The following ZSWIM6 variants were observed in gnomAD, a reference collection of about 807,000 sequenced individuals.
ZSWIM6 encodes the protein zinc finger SWIM domain-containing protein 6.
Under a neutral mutation model 113.2 loss-of-function variants are expected in ZSWIM6, and 9 were observed. That is an observed-to-expected ratio of 0.08 (90% CI 0.05 to 0.14). The LOEUF (loss-of-function observed/expected upper bound fraction) is 0.14. Among genes scored for constraint, ZSWIM6 ranks in the 10% least tolerant of loss-of-function variants. The probability of loss-of-function intolerance (pLI) is 1.00; values close to 1 mark genes in which losing one functional copy is unlikely to be tolerated. For synonymous variants in ZSWIM6, 611 were observed against 606.5 expected (o/e 1.01, Z -0.11); for missense variants, 1,162 against 1,552.2 (o/e 0.75, Z 4.22).
chr5:61,356,797 TATAAATATATAATTG>T (rs1175533191), intron 1 of ZSWIM6, among the ~76,000 whole-genome samples: 2 of 141,928 alleles, frequency 1.4e-5, no homozygotes, highest in Non-Finnish European at 3.0e-5. Flanking sequence ...TTATATATAA[TATAAATATATAATTG>T]ATAAATAAAA....
At chr5:61,493,883 T>G (rs1561262370) in intron 3 of ZSWIM6, among the ~76,000 whole-genome samples, 1 of 151,054 alleles carries the variant, frequency 6.6e-6, no homozygotes, top group East Asian at 1.9e-4. Flanking sequence ...AAAAAAAGTT[T>G]CTACTGGACA....
intron 4 of ZSWIM6, among the ~76,000 whole-genome samples, chr5:61,518,282 A>G (rs1019447929): frequency 1.4e-3 from 219 of 152,104 alleles, no homozygotes; most frequent in African/African-American, 5.2e-3. Flanking sequence ...AGCATGATTT[A>G]TAGTCCTTTG....
At chr5:61,431,752 A>G (rs979104937) in intron 1 of ZSWIM6, among the ~76,000 whole-genome samples, 1 of 152,208 alleles carries the variant, frequency 6.6e-6, no homozygotes, top group African/African-American at 2.4e-5. Context: ...CTCAAAAAAA[A>G]CAAAACAAAA....
At chr5:61,485,960 T>A (rs1748006631) in intron 2 of ZSWIM6, among the ~76,000 whole-genome samples, 1 of 152,204 alleles carries the variant, frequency 6.6e-6, no homozygotes, top group Non-Finnish European at 1.5e-5. Flanking sequence ...ATATGTATTT[T>A]GTTTATTATC....
intron 1 of ZSWIM6, among the ~76,000 whole-genome samples, chr5:61,440,941 A>T (rs1371590672): frequency 6.6e-6 from 1 of 152,202 alleles, no homozygotes; most frequent in Non-Finnish European, 1.5e-5. Flanking sequence ...TGCAGAAAGT[A>T]CTTTGGTCCA....
At chr5:61,357,273 A>G (rs1462814141) in intron 1 of ZSWIM6, among the ~76,000 whole-genome samples, 1 of 152,196 alleles carries the variant, frequency 6.6e-6, no homozygotes, top group Non-Finnish European at 1.5e-5. Flanking sequence ...ATGCAGCTGA[A>G]ACAGCAAGGT....
At chr5:61,442,931 TCAAA>T (rs561323077) in intron 1 of ZSWIM6, among the ~76,000 whole-genome samples, 1 of 152,156 alleles carries the variant, frequency 6.6e-6, no homozygotes, top group Non-Finnish European at 1.5e-5. Flanking sequence ...CAGCAATGCT[TCAAA>T]CAAACAAAAC....
intron 4 of ZSWIM6, among the ~76,000 whole-genome samples, chr5:61,507,526 T>TTA (rs1580050674): frequency 1.3e-5 from 2 of 152,208 alleles, no homozygotes; most frequent in East Asian, 3.9e-4. Context: ...AGAAAACAGA[T>TTA]TTCTTCTGAC....
At chr5:61,449,883 C>T (rs748595838) in intron 1 of ZSWIM6, among the ~76,000 whole-genome samples, 7 of 152,086 alleles carry the variant, frequency 4.6e-5, no homozygotes, top group Non-Finnish European at 1.0e-4. Flanking sequence ...TGTGACCAGG[C>T]AGTAAGCTAA....
intron 1 of ZSWIM6, among the ~76,000 whole-genome samples, chr5:61,431,522 G>A (rs1746580385): frequency 6.6e-6 from 1 of 151,814 alleles, no homozygotes; most frequent in Non-Finnish European, 1.5e-5. Flanking sequence ...GAGGCAGGCA[G>A]ATCACAAGGT....
At chr5:61,505,710 T>C (rs144182500) in intron 4 of ZSWIM6, among the ~76,000 whole-genome samples, 10,591 of 95,754 alleles carry the variant, frequency 0.11, 1,410 homozygotes, top group Middle Eastern at 0.13. Flanking sequence ...CTTCCTCCCT[T>C]CCTTCCTTCC....
intron 4 of ZSWIM6, among the ~76,000 whole-genome samples, chr5:61,509,287 T>C (rs1300621591): frequency 7.4e-6 from 1 of 135,436 alleles, no homozygotes; most frequent in Admixed American, 7.2e-5. Context: ...TGAGTTTTTT[T>C]CCCCAAAATA....
At position 61,337,898 on chromosome 5, in the gene ZSWIM6, T is replaced by G. The variant is rs568214433; in HGVS notation, c.676+4950T>G. ...TTCTTAAAACTAGAGGCATATATTT[T>G]TGTAATAAAGAAACTTACAAAAATT... On this transcript the variant is annotated intron_variant, in intron 1 of 13. Coordinates refer to ENST00000252744, the MANE Select transcript of ZSWIM6 (RefSeq NM_020928.2). 3.9e-5 allele frequency among the ~76,000 whole-genome samples: 6 copies of G among 152,312 alleles called. No individual in the cohort carries two copies. In the East Asian group the frequency reaches 1.2e-3, roughly 29 times the overall value.
chr5:61,477,125 A>T (rs75599395), intron 2 of ZSWIM6, among the ~76,000 whole-genome samples: 1 of 152,120 alleles, frequency 6.6e-6, no homozygotes, highest in East Asian at 1.9e-4. Context: ...TTCCTCTCCT[A>T]CGGCTTTTCG....
intron 1 of ZSWIM6, among the ~76,000 whole-genome samples, chr5:61,367,476 C>T (rs1374466973): frequency 6.6e-6 from 1 of 152,108 alleles, no homozygotes; most frequent in African/African-American, 2.4e-5. Context: ...AACTCCTGAC[C>T]TCAAGTGATC....
chr5:61,397,547 G>T (rs1413225252), intron 1 of ZSWIM6, among the ~76,000 whole-genome samples: 1 of 152,062 alleles, frequency 6.6e-6, no homozygotes, highest in Non-Finnish European at 1.5e-5. Flanking sequence ...GTAGTTGTGA[G>T]TGACTTTTTT....
intron 2 of ZSWIM6, among the ~76,000 whole-genome samples, chr5:61,474,866 A>G (rs1747667730): frequency 6.6e-6 from 1 of 152,210 alleles, no homozygotes; most frequent in African/African-American, 2.4e-5. Context: ...TATTTCTTCT[A>G]GTACTCCCCA....
chr5:61,391,916 A>C, intron 1 of ZSWIM6: 1 of 561,842 alleles, frequency 1.8e-6, no homozygotes, highest in South Asian at 2.2e-5. Flanking sequence ...GGTATTTTCA[A>C]AACTTTTTGA....
chr5:61,541,102 C>T (rs1749724629), intron 12 of ZSWIM6, among the ~76,000 whole-genome samples: 1 of 151,902 alleles, frequency 6.6e-6, no homozygotes, highest in Non-Finnish European at 1.5e-5. Context: ...CGCCACCACA[C>T]CTGGCTAATT....
Sources: allele counts gnomAD v4.1 joint callset (sites outside exome capture counted in the v4.1 genomes callset), GRCh38; gene constraint gnomAD v4.1.1; transcripts MANE v1.5; gene names NCBI Gene and HGNC (gene_info 2026-07-23, HGNC 2026-07-21).